JAKMIP2: variants seen among roughly 807,000 people sequenced by gnomAD.
JAKMIP2 encodes the protein janus kinase and microtubule-interacting protein 2.
A neutral mutation model predicts 115.0 loss-of-function variants in JAKMIP2; 25 were observed. That is an observed-to-expected ratio of 0.22 (90% CI 0.16 to 0.30). JAKMIP2 has a LOEUF of 0.30. Ranked by LOEUF, JAKMIP2 falls within the 10% of genes least tolerant of loss-of-function variation. The pLI is 1.00. For synonymous variants in JAKMIP2, 334 were observed against 343.6 expected (o/e 0.97, Z 0.31); for missense variants, 642 against 957.6 (o/e 0.67, Z 4.35).
At chr5:147,692,824 C>T (rs770515877) in intron 1 of JAKMIP2, among the ~76,000 whole-genome samples, 1 of 152,072 alleles carries the variant, frequency 6.6e-6, no homozygotes, top group Non-Finnish European at 1.5e-5. Flanking sequence ...TTTTAAAAGT[C>T]TATGGGTAAT....
Position 147,782,708 on chromosome 5 carries a change from C to T in JAKMIP2, c.-401G>A, listed in dbSNP as rs552292923. ...GCATCACCAGTTGGGCCTCCTCCCT[C>T]TCGGAGGATGGGGTGAGCTCGGAAG... On this transcript the variant is annotated 5_prime_UTR_variant, in exon 1 of 22. Transcript: ENST00000616793. 38 of 612,892 alleles carry T rather than the reference C, an allele frequency of 6.2e-5. No individual in the cohort carries two copies. The highest frequency in any genetic ancestry group is 1.0e-4 in the Non-Finnish European group (34 of 339,528). 38.0% of individuals were successfully genotyped at this position (612,892 alleles called of 1,614,324 possible).
chr5:147,652,307 C>T (rs1758436679), intron 3 of JAKMIP2, among the ~76,000 whole-genome samples: 1 of 152,154 alleles, frequency 6.6e-6, no homozygotes, highest in South Asian at 2.1e-4. Context: ...CTATGCTATA[C>T]TGGCTTTAAG....
intron 7 of JAKMIP2, among the ~76,000 whole-genome samples, chr5:147,642,906 G>A (rs904029638): frequency 6.6e-6 from 1 of 152,106 alleles, no homozygotes; most frequent in African/African-American, 2.4e-5. Context: ...TGCCATCACA[G>A]CCAGAATAAA....
rs79870646 is a variant in JAKMIP2 at position 147,625,739 on chromosome 5, T to C, written c.1996-2050A>G. 6.5e-3 allele frequency among the ~76,000 whole-genome samples: 984 copies of C among 152,290 alleles called. 53 individuals carry two copies. The East Asian group carries it at 0.13, about 20-fold the overall frequency. On this transcript the variant is annotated intron_variant, in intron 16 of 21. Transcript: ENST00000616793. ...AATATCCCAAGCCTCAGTTTCCTCA[T>C]GTATAAAATAAAAACAATGGTACCC...
chr5:147,760,323 G>A (rs1256642787), intron 1 of JAKMIP2, among the ~76,000 whole-genome samples: 3 of 151,122 alleles, frequency 2.0e-5, no homozygotes, highest in Non-Finnish European at 2.9e-5. Flanking sequence ...CAGAAAACAA[G>A]GAAGTCAAGC....
chr5:147,646,745 TAAC>T (rs1206695599), intron 5 of JAKMIP2, among the ~76,000 whole-genome samples: 1 of 150,930 alleles, frequency 6.6e-6, no homozygotes, highest in Non-Finnish European at 1.5e-5. Context: ...GTTCAACTAA[TAAC>T]AACGACTTTA....
At chr5:147,616,477 C>T (rs905822870) in intron 19 of JAKMIP2, among the ~76,000 whole-genome samples, 1 of 152,196 alleles carries the variant, frequency 6.6e-6, no homozygotes, top group African/African-American at 2.4e-5. Flanking sequence ...AAATGGAATA[C>T]AGTTTTTATC....
chr5:147,713,264 T>C (rs1364792862), intron 1 of JAKMIP2, among the ~76,000 whole-genome samples: 1 of 152,182 alleles, frequency 6.6e-6, no homozygotes, highest in African/African-American at 2.4e-5. Flanking sequence ...CCAGGAAGAC[T>C]TTTTTGTAAG....
intron 21 of JAKMIP2, among the ~76,000 whole-genome samples, chr5:147,592,528 T>C (rs1755147836): frequency 6.6e-6 from 1 of 152,126 alleles, no homozygotes; most frequent in Admixed American, 6.5e-5. Context: ...CGTAATGCTG[T>C]CTTCCAATGA....
At chr5:147,702,579 G>GAAAGAAA (rs1561547232) in intron 1 of JAKMIP2, among the ~76,000 whole-genome samples, 5 of 80,590 alleles carry the variant, frequency 6.2e-5, no homozygotes, top group African/African-American at 1.8e-4. Flanking sequence ...AAAGAAAGAA[G>GAAAGAAA]GAAAGAAAGA....
rs1051969500 is a variant in JAKMIP2 at position 147,671,939 on chromosome 5, C to T, written c.-133G>A. 7 of 1,323,152 alleles carry T rather than the reference C, an allele frequency of 5.3e-6. No homozygotes were observed. Among genetic ancestry groups the T allele is most frequent in the Non-Finnish European group, 6.8e-6 (7 of 1,031,132 alleles). The allele number at this position is 1,323,152 out of a possible 1,614,324, so 82.0% of individuals were successfully genotyped here. On this transcript the variant is annotated 5_prime_UTR_variant, in exon 2 of 22. Transcript: ENST00000616793. ...TGCTCCTTGGTAAGGTCTCCTCAAT[C>T]GCTGCCCTGGAAGCCCTGAGAAGAG...
intron 1 of JAKMIP2, among the ~76,000 whole-genome samples, chr5:147,728,157 C>T (rs1009596698): frequency 6.6e-6 from 1 of 152,042 alleles, no homozygotes; most frequent in Admixed American, 6.6e-5. Flanking sequence ...AGGAAATATA[C>T]TTTTAGGGGT....
intron 1 of JAKMIP2, among the ~76,000 whole-genome samples, chr5:147,711,926 C>T (rs13353993): frequency 0.026 from 3,963 of 152,236 alleles, 182 homozygotes; most frequent in African/African-American, 0.091. Flanking sequence ...CCTCGGACAC[C>T]GCGCCCAGCC....
intron 1 of JAKMIP2, among the ~76,000 whole-genome samples, chr5:147,706,649 C>G (rs1448136645): frequency 6.6e-6 from 1 of 151,958 alleles, no homozygotes; most frequent in Non-Finnish European, 1.5e-5. Flanking sequence ...TATGATCTAC[C>G]CAAATATTAC....
chr5:147,586,819 C>A lies in JAKMIP2; in HGVS notation c.*4888G>T, dbSNP rs1423178958. 1 of 140,028 alleles carries A rather than the reference C, an allele frequency of 7.1e-6. No individual in the cohort carries two copies. The highest frequency in any genetic ancestry group is 7.6e-5 in the Admixed American group (1 of 13,112). The allele number at this position is 140,028 out of a possible 1,614,324, so 8.7% of individuals were successfully genotyped here. A position where few individuals can be genotyped will look rare whatever the true frequency, so the allele number is the denominator to read the frequency against. On this transcript the variant is annotated 3_prime_UTR_variant, in exon 22 of 22. Transcript: ENST00000616793. ...TGTTGCCCAGGCCGTTATGAAACTC[C>A]TGGGCCCAAGCTATCCTGCCACCTT...
chr5:147,658,889 CA>C (rs1758819440), intron 3 of JAKMIP2, among the ~76,000 whole-genome samples: 1 of 152,154 alleles, frequency 6.6e-6, no homozygotes, highest in Non-Finnish European at 1.5e-5. Flanking sequence ...CCACCAAACT[CA>C]ATCATCTCAG....
intron 1 of JAKMIP2, among the ~76,000 whole-genome samples, chr5:147,707,991 A>G (rs951895989): frequency 6.6e-6 from 1 of 152,188 alleles, no homozygotes; most frequent in Non-Finnish European, 1.5e-5. Flanking sequence ...TTGTGAGAGA[A>G]GAGGGCAATT....
intron 1 of JAKMIP2, among the ~76,000 whole-genome samples, chr5:147,742,693 T>G (rs1251824149): frequency 6.6e-6 from 1 of 152,224 alleles, no homozygotes; most frequent in African/African-American, 2.4e-5. Context: ...TTATTATGTA[T>G]GTGAATGAAC....
At chr5:147,764,889 G>GGAAAAGAAAGAAAGAAAGAAA (rs1755057269) in intron 1 of JAKMIP2, among the ~76,000 whole-genome samples, 1 of 60,472 alleles carries the variant, frequency 1.7e-5, no homozygotes, top group African/African-American at 1.0e-4. Context: ...TGTCTAAAAG[G>GGAAAAGAAAGAAAGAAAGAAA]GAAAGAAAGA....
Sources: allele counts gnomAD v4.1 joint callset (sites outside exome capture counted in the v4.1 genomes callset), GRCh38; gene constraint gnomAD v4.1.1; transcripts MANE v1.5; gene names NCBI Gene and HGNC (gene_info 2026-07-23, HGNC 2026-07-21).